The following NME7 variants were observed in gnomAD, a reference collection of about 807,000 sequenced individuals.
NME7 encodes the protein nucleoside diphosphate kinase 7.
A neutral mutation model predicts 49.1 loss-of-function variants in NME7; 41 were observed. The observed-to-expected ratio is 0.83, with a 90% CI of 0.65 to 1.08. The LOEUF is 1.08. Among genes scored for constraint, NME7 ranks in the 50% least tolerant of loss-of-function variants. NME7 has a pLI of 0.00. For missense variants in NME7, 423 were observed against 463.4 expected (o/e 0.91, Z 0.80); for synonymous variants, 139 against 150.6 (o/e 0.92, Z 0.56).
intron 7 of NME7, among the ~76,000 whole-genome samples, chr1:169,275,683 C>A (rs1303117712): frequency 2.4e-5 from 3 of 127,608 alleles, no homozygotes; most frequent in Admixed American, 7.7e-5. Flanking sequence ...TTATTTCCTT[C>A]TCCTGCCTAA....
chr1:169,296,955 T>C (rs930974842), intron 6 of NME7, among the ~76,000 whole-genome samples: 1 of 151,650 alleles, frequency 6.6e-6, no homozygotes, highest in Non-Finnish European at 1.5e-5. Context: ...CCTGTTGCTG[T>C]TTTTGCCCTC....
chr1:169,249,362 CA>C (rs1648461853), intron 7 of NME7, among the ~76,000 whole-genome samples: 2 of 152,134 alleles, frequency 1.3e-5, no homozygotes, highest in South Asian at 2.1e-4. Flanking sequence ...ATTCATTTGT[CA>C]AATCCAGGAG....
chr1:169,340,005 A>G (rs564213256), intron 1 of NME7, among the ~76,000 whole-genome samples: 1 of 143,872 alleles, frequency 7.0e-6, no homozygotes, highest in Non-Finnish European at 1.5e-5. Flanking sequence ...GAAGTAGTAA[A>G]GGCTCCCTGA....
chr1:169,246,322 A>ATT (rs1648311003), intron 7 of NME7, among the ~76,000 whole-genome samples: 1 of 152,148 alleles, frequency 6.6e-6, no homozygotes, highest in Non-Finnish European at 1.5e-5. Context: ...GTAAAAACAA[A>ATT]TCAAAATAAA....
intron 9 of NME7, among the ~76,000 whole-genome samples, chr1:169,232,288 TGAA>T (rs935411648): frequency 5.9e-5 from 9 of 151,532 alleles, no homozygotes; most frequent in Admixed American, 3.9e-4. Flanking sequence ...GAAAGAAAAA[TGAA>T]GAAGAAGAAA....
At chr1:169,348,130 C>T (rs982575526) in intron 1 of NME7, among the ~76,000 whole-genome samples, 7 of 152,108 alleles carry the variant, frequency 4.6e-5, no homozygotes, top group Non-Finnish European at 8.8e-5. Flanking sequence ...GCTGTAACCA[C>T]TAATGTACCT....
chr1:169,276,357 A>G (rs1649727181), intron 7 of NME7, among the ~76,000 whole-genome samples: 1 of 132,954 alleles, frequency 7.5e-6, no homozygotes, highest in Admixed American at 7.4e-5. Context: ...TATTGCTACA[A>G]TTTCTGAGCC....
chr1:169,135,130 T>C lies in NME7; in HGVS notation c.1099-2313A>G, dbSNP rs552389817. Among the ~76,000 whole-genome samples the C allele has an allele frequency of 4.6e-4, 69 of 150,708 alleles. 1 individual carries two copies. Among genetic ancestry groups the C allele is most frequent in the Non-Finnish European group, 4.6e-4 (31 of 67,828 alleles). ...GCTTGAGTCCAGGAGGTTCAAGTCT[T>C]CAAGGCTTCGGTAAGCCTGGGCAAC... On this transcript the variant is annotated intron_variant, in intron 11 of 11. Coordinates refer to ENST00000367811, the MANE Select transcript of NME7 (RefSeq NM_013330.5).
chr1:169,236,720 C>CT lies in NME7; in HGVS notation c.819+902_819+903insA, dbSNP rs1454118187. 1.9e-4 allele frequency among the ~76,000 whole-genome samples: 13 copies of CT among 67,256 alleles called. No individual in the cohort carries two copies. In the East Asian group the frequency reaches 0.035, roughly 182 times the overall value. The allele number at this position is 67,256 out of a possible 152,430, so 44.1% of individuals were successfully genotyped here. On this transcript the variant is annotated intron_variant, in intron 8 of 11. Coordinates refer to ENST00000367811, the MANE Select transcript of NME7 (RefSeq NM_013330.5). ...GCTCAATGACTTTGTAAACTATTTC[C>CT]CTTTTTTTTTTTTCTTTTTTGGCTT...
At chr1:169,291,044 G>A (rs1286974254) in intron 6 of NME7, among the ~76,000 whole-genome samples, 3 of 152,110 alleles carry the variant, frequency 2.0e-5, no homozygotes, top group Admixed American at 6.5e-5. Context: ...AAATAGAAAC[G>A]CTTTTACACT....
intron 10 of NME7, among the ~76,000 whole-genome samples, chr1:169,196,586 T>C (rs1318300692): frequency 1.3e-5 from 2 of 152,220 alleles, no homozygotes; most frequent in African/African-American, 2.4e-5. Context: ...AACCACAGTG[T>C]AGAAAATCAT....
intron 6 of NME7, among the ~76,000 whole-genome samples, chr1:169,288,544 G>C (rs1202503111): frequency 6.6e-6 from 1 of 152,004 alleles, no homozygotes; most frequent in Non-Finnish European, 1.5e-5. Context: ...TGGATCAACT[G>C]TATTTATTTT....
intron 10 of NME7, among the ~76,000 whole-genome samples, chr1:169,200,944 T>G (rs1571286055): frequency 6.6e-6 from 1 of 152,140 alleles, no homozygotes; most frequent in African/African-American, 2.4e-5. Flanking sequence ...TAAACAAAGA[T>G]TCAAGCCTGG....
At chr1:169,366,564 C>T (rs1432569583) in intron 1 of NME7, among the ~76,000 whole-genome samples, 2 of 152,018 alleles carry the variant, frequency 1.3e-5, no homozygotes, top group Admixed American at 6.5e-5. Context: ...CAACTGGAAG[C>T]GAAATGTAAC....
intron 7 of NME7, among the ~76,000 whole-genome samples, chr1:169,256,254 T>C (rs1648927259): frequency 7.5e-6 from 1 of 133,632 alleles, no homozygotes; most frequent in African/African-American, 2.5e-5. Context: ...TTGGAGGCTT[T>C]ACTCATTTCT....
intron 1 of NME7, among the ~76,000 whole-genome samples, chr1:169,337,757 A>G (rs1652538005): frequency 6.6e-6 from 1 of 152,218 alleles, no homozygotes; most frequent in Admixed American, 6.5e-5. Context: ...AACACAAGGA[A>G]AAGGTTTATA....
chr1:169,361,278 C>T (rs751851127), intron 1 of NME7, among the ~76,000 whole-genome samples: 18 of 152,336 alleles, frequency 1.2e-4, no homozygotes, highest in South Asian at 2.1e-4. Context: ...CCAAATACCA[C>T]TGTTTCCTAC....
chr1:169,314,337 T>C (rs1651527231), intron 3 of NME7, among the ~76,000 whole-genome samples: 1 of 151,994 alleles, frequency 6.6e-6, no homozygotes, highest in African/African-American at 2.4e-5. Flanking sequence ...TAAAGTCTTC[T>C]GAGATTCTTA....
intron 10 of NME7, among the ~76,000 whole-genome samples, chr1:169,211,451 C>T (rs1310967968): frequency 6.6e-6 from 1 of 152,088 alleles, no homozygotes; most frequent in Non-Finnish European, 1.5e-5. Context: ...AAGGTAAAAA[C>T]TGTCATCTAT....
Sources: allele counts gnomAD v4.1 joint callset (sites outside exome capture counted in the v4.1 genomes callset), GRCh38; gene constraint gnomAD v4.1.1; transcripts MANE v1.5; gene names NCBI Gene and HGNC (gene_info 2026-07-23, HGNC 2026-07-21).